The following DLGAP4 variants were observed in gnomAD, a reference collection of about 807,000 sequenced individuals.
DLGAP4 encodes DLG associated protein 4, also known as disks large-associated protein 4.
Under a neutral mutation model 86.9 loss-of-function variants are expected in DLGAP4, and 18 were observed. That is an observed-to-expected ratio of 0.21 (90% CI 0.14 to 0.31). The LOEUF (loss-of-function observed/expected upper bound fraction) is 0.31, where lower values mean the gene tolerates loss of function less well. Among genes scored for constraint, DLGAP4 ranks in the 10% least tolerant of loss-of-function variants. The probability of loss-of-function intolerance (pLI) is 1.00; values close to 1 mark genes in which losing one functional copy is unlikely to be tolerated. For synonymous variants in DLGAP4, 548 were observed against 574.3 expected, an observed-to-expected ratio of 0.95 and a Z score of 0.65; for missense variants, 1,085 against 1,362.6, an observed-to-expected ratio of 0.80 and a Z score of 3.21.
intron 7 of DLGAP4, among the ~76,000 whole-genome samples, chr20:36,493,655 GCAGCCCAGCC>G (rs904665680): frequency 6.6e-6 from 1 of 152,166 alleles, no homozygotes; most frequent in Admixed American, 6.5e-5. Flanking sequence ...CCAAACACCG[GCAGCCCAGCC>G]CAGCCCAGCC....
intron 12 of DLGAP4, 147 bp from the exon 13 acceptor site, chr20:36,526,666 C>T (rs1425912996): frequency 4.1e-6 from 3 of 731,086 alleles, no homozygotes; most frequent in Non-Finnish European, 6.7e-6. Flanking sequence ...CTTCTCGTGG[C>T]TTCCTGATTC....
chr20:36,457,810 T>C (rs2033917773), intron 7 of DLGAP4, among the ~76,000 whole-genome samples: 1 of 150,810 alleles, frequency 6.6e-6, no homozygotes, highest in Admixed American at 6.6e-5. Context: ...CAGCTAATTT[T>C]TGTATTTTTA....
chr20:36,513,320 G>A lies in DLGAP4; in HGVS notation c.2513-10930G>A, dbSNP rs374287248. Among the ~76,000 whole-genome samples the A allele has an allele frequency of 3.9e-4, 58 of 150,628 alleles. 1 individual carries two copies. In the South Asian group the frequency reaches 0.011, roughly 28 times the overall value. On this transcript the variant is annotated intron_variant, in intron 10 of 12. Coordinates refer to ENST00000339266, the MANE Select transcript of DLGAP4 (RefSeq NM_001365621.2). ...TCCCAGCACTTTGGGAGGCCGAGGC[G>A]GGTGGATCATGAGGTCAGGAGATCG...
At position 36,308,590 on chromosome 20, in the gene DLGAP4, G is replaced by A. The variant is rs782204203; in HGVS notation, c.-304+2078G>A. ...GTGTGCTTTGGAGCTTTCGGGAGAC[G>A]CTGACGTATCGGATGTATCGGGGCA... On this transcript the variant is annotated intron_variant, in intron 1 of 12. Transcript: ENST00000339266. The surrounding 1 kb of genome is among the most constrained non-coding windows in gnomAD (Gnocchi z 4.5). Among the ~76,000 whole-genome samples the A allele has an allele frequency of 6.6e-6, 1 of 152,166 alleles. No individual in the cohort carries two copies. Among genetic ancestry groups the A allele is most frequent in the African/African-American group, 2.4e-5 (1 of 41,430 alleles).
intron 1 of DLGAP4, among the ~76,000 whole-genome samples, chr20:36,363,732 C>T (rs981997657): frequency 4.6e-5 from 7 of 152,268 alleles, no homozygotes; most frequent in Non-Finnish European, 8.8e-5. Flanking sequence ...CCTGGGATTG[C>T]TTGGCTGGAA....
intron 2 of DLGAP4, among the ~76,000 whole-genome samples, chr20:36,419,997 A>G (rs2032776693): frequency 9.1e-6 from 1 of 110,044 alleles, no homozygotes; most frequent in South Asian, 3.8e-4. Flanking sequence ...AGTTGTAGTG[A>G]GGATTAAATG....
rs138800857 is a variant in DLGAP4 at position 36,464,736 on chromosome 20, G to T, written c.1648+17799G>T. On this transcript the variant is annotated intron_variant, in intron 7 of 12. Coordinates refer to ENST00000339266, the MANE Select transcript of DLGAP4 (RefSeq NM_001365621.2). ...GTGGTGGCACACGCCTGTAATCCCA[G>T]CTACTTGGGAGGCTGACGCAGGAGA... is the stretch of plus-strand genomic sequence containing the variant. Among the ~76,000 whole-genome samples the T allele has an allele frequency of 5.0e-4, 76 of 152,274 alleles. 2 individuals are homozygous for T. In the East Asian group the frequency reaches 0.015, roughly 29 times the overall value.
At chr20:36,376,671 A>G (rs1376713587) in intron 2 of DLGAP4, among the ~76,000 whole-genome samples, 1 of 152,108 alleles carries the variant, frequency 6.6e-6, no homozygotes, top group African/African-American at 2.4e-5. Flanking sequence ...CTGTGGACCA[A>G]TGTTGAGGTG....
intron 8 of DLGAP4, chr20:36,497,353 T>C: frequency 2.3e-6 from 3 of 1,279,794 alleles, no homozygotes; most frequent in Non-Finnish European, 3.0e-6. Flanking sequence ...CTGTCCACTG[T>C]TTGCCTGTCC....
At chr20:36,419,990 T>A (rs2032776498) in intron 2 of DLGAP4, among the ~76,000 whole-genome samples, 1 of 140,492 alleles carries the variant, frequency 7.1e-6, no homozygotes, top group South Asian at 2.5e-4. Flanking sequence ...CAGGAGGAGT[T>A]GTAGTGAGGA....
intron 10 of DLGAP4, among the ~76,000 whole-genome samples, chr20:36,515,377 A>G (rs566983867): frequency 1.3e-5 from 2 of 152,290 alleles, no homozygotes; most frequent in South Asian, 2.1e-4. Context: ...TGTCTGGTAT[A>G]TCTCTTTCCA....
rs1469948888 is a variant in DLGAP4 at position 36,479,742 on chromosome 20, A to T, written c.1649-16963A>T. On this transcript the variant is annotated intron_variant, in intron 7 of 12. Transcript: ENST00000339266. ...AGGCAGAGAGGCCAGTGGTCCCTAC[A>T]CTAAAATGTTAGAATGGTGCTGCTA... 2.0e-5 allele frequency among the ~76,000 whole-genome samples: 3 copies of T among 152,148 alleles called. No homozygotes were observed. In the East Asian group the frequency reaches 5.8e-4, roughly 29 times the overall value.
chr20:36,497,036 C>G lies in DLGAP4; in HGVS notation c.1980C>G (p.Pro660=). The change falls in exon 8 of 13, where the codon CCC becomes CCG. Residue 660 remains proline (P), a synonymous_variant. Transcript: ENST00000339266. ...CTGAGTCCCACCCCGAGGCCGCCCC[C>G]AAAAGGAAACTGTCATCGATAGGAA... ...TSSESHPEAA[P]KRKLSSIGIQ... 6.2e-7 allele frequency: 1 copy of G among 1,608,690 alleles called. No homozygotes were observed.
chr20:36,330,763 G>A (rs1453096937), intron 1 of DLGAP4, among the ~76,000 whole-genome samples: 5 of 151,942 alleles, frequency 3.3e-5, no homozygotes, highest in East Asian at 3.9e-4. Flanking sequence ...TAGCAGAGAC[G>A]AGGTTTCACC....
At chr20:36,499,445 G>A in intron 8 of DLGAP4, 143 bp from the exon 9 acceptor site, 1 of 1,348,840 alleles carries the variant, frequency 7.4e-7, no homozygotes, top group Non-Finnish European at 1.0e-6. Context: ...GGGCCCACGT[G>A]CAGTGTCCGC....
At chr20:36,454,507 C>T (rs1569504388) in intron 7 of DLGAP4, among the ~76,000 whole-genome samples, 1 of 152,138 alleles carries the variant, frequency 6.6e-6, no homozygotes, top group Non-Finnish European at 1.5e-5. Context: ...ATCACTCCCT[C>T]CACAGACAAA....
At position 36,527,157 on chromosome 20, in the gene DLGAP4, A is replaced by G. The variant is rs1600732207; in HGVS notation, c.*126A>G. The stretch of plus-strand genomic sequence containing the variant: ...CTAGAGACCCTGAGCCAACTTTCAA[A>G]TTGACGCATACAAGGGCTCACAATT... On this transcript the variant is annotated 3_prime_UTR_variant, in exon 13 of 13. Transcript: ENST00000339266. 2 of 1,045,740 alleles carry G rather than the reference A, an allele frequency of 1.9e-6. No individual in the cohort carries two copies. Among genetic ancestry groups the G allele is most frequent in the East Asian group, 5.4e-5 (2 of 37,126 alleles). 64.8% of individuals were successfully genotyped at this position (1,045,740 alleles called of 1,614,324 possible). A position where few individuals can be genotyped will look rare whatever the true frequency, so the allele number is the denominator to read the frequency against.
At chr20:36,425,799 C>T (rs567923981) in intron 2 of DLGAP4, among the ~76,000 whole-genome samples, 5 of 152,068 alleles carry the variant, frequency 3.3e-5, no homozygotes, top group South Asian at 2.1e-4. Context: ...CCAGCCTGGG[C>T]GACAAGAGCA....
At chr20:36,405,388 C>T (rs149278024) in intron 2 of DLGAP4, among the ~76,000 whole-genome samples, 11 of 152,292 alleles carry the variant, frequency 7.2e-5, no homozygotes, top group Admixed American at 2.6e-4. Flanking sequence ...AGTTAACATA[C>T]GTAAGTGCTT....
Sources: allele counts gnomAD v4.1 joint callset (sites outside exome capture counted in the v4.1 genomes callset), GRCh38; gene constraint gnomAD v4.1.1; non-coding constraint Gnocchi (gnomAD v3.1); transcripts MANE v1.5; gene names NCBI Gene and HGNC (gene_info 2026-07-23, HGNC 2026-07-21).